Variants in STK32A observed in about 807,000 individuals in gnomAD.
The protein encoded by STK32A is serine/threonine-protein kinase 32A.
A neutral mutation model predicts 53.2 loss-of-function variants in STK32A; 41 were observed. The observed-to-expected ratio is 0.77, with a 90% CI of 0.60 to 1.00. The LOEUF is 1.00. Among genes scored for constraint, STK32A ranks in the 50% least tolerant of loss-of-function variants. STK32A has a pLI of 0.00. For missense variants in STK32A, 458 were observed against 485.8 expected, an observed-to-expected ratio of 0.94 and a Z score of 0.54; for synonymous variants, 166 against 162.8, an observed-to-expected ratio of 1.02 and a Z score of -0.15.
intron 2 of STK32A, among the ~76,000 whole-genome samples, chr5:147,273,045 G>A (rs1755111114): frequency 6.6e-6 from 1 of 152,146 alleles, no homozygotes; most frequent in African/African-American, 2.4e-5. Flanking sequence ...TAGAAAAAAA[G>A]GGCATTCCTG....
chr5:147,351,852 A>T (rs143357528), intron 7 of STK32A, among the ~76,000 whole-genome samples: 2 of 152,236 alleles, frequency 1.3e-5, no homozygotes, highest in East Asian at 3.9e-4. Context: ...TCTCAAAACA[A>T]ACAAACAAAC....
rs752457450 is a variant in STK32A, at chr5:147,387,602, C to A, written c.*3619C>A. 1.2e-4 allele frequency: 18 copies of A among 152,124 alleles called. No individual in the cohort carries two copies. The highest frequency in any genetic ancestry group is 2.5e-4 in the Non-Finnish European group (17 of 68,026). 9.4% of individuals were successfully genotyped at this position (152,124 alleles called of 1,614,324 possible). On this transcript the variant is annotated 3_prime_UTR_variant, in exon 13 of 13. Transcript: ENST00000397936. Reference sequence around the variant, plus strand: ...AAGCACTTCAAGCTTGTTTCTGTACCCAGTTGTCCCTGTATTGTCTACATA... The same window carrying A: ...AAGCACTTCAAGCTTGTTTCTGTACACAGTTGTCCCTGTATTGTCTACATA...
chr5:147,389,441 G>A (rs1176246981), downstream of STK32A, among the ~76,000 whole-genome samples: 2 of 152,150 alleles, frequency 1.3e-5, no homozygotes, highest in Admixed American at 6.5e-5. Flanking sequence ...TGGCCACAGT[G>A]ACTAGGTCAA....
intron 2 of STK32A, among the ~76,000 whole-genome samples, chr5:147,250,629 G>A (rs1753945515): frequency 6.6e-6 from 1 of 152,118 alleles, no homozygotes; most frequent in Admixed American, 6.6e-5. Flanking sequence ...GAATGAGTTA[G>A]GAGTAGATGG....
chr5:147,380,586 G>A (rs779823205), intron 11 of STK32A, among the ~76,000 whole-genome samples: 1 of 152,130 alleles, frequency 6.6e-6, no homozygotes, highest in Non-Finnish European at 1.5e-5. Flanking sequence ...GTCTAATTCT[G>A]TCCTGGGACT....
chr5:147,275,522 C>T (rs1457839679), intron 2 of STK32A, among the ~76,000 whole-genome samples: 6 of 152,114 alleles, frequency 3.9e-5, no homozygotes, highest in African/African-American at 2.4e-5. Flanking sequence ...TGGGGCCTCA[C>T]TACATTACCC....
At chr5:147,372,215 T>C (rs1489662539) in intron 9 of STK32A, among the ~76,000 whole-genome samples, 7 of 150,132 alleles carry the variant, frequency 4.7e-5, no homozygotes, top group Admixed American at 2.7e-4. Context: ...CAAAAGTGTA[T>C]ATTGAGTGAT....
At chr5:147,236,376 A>G (rs1753319330) in intron 1 of STK32A, among the ~76,000 whole-genome samples, 1 of 152,116 alleles carries the variant, frequency 6.6e-6, no homozygotes, top group African/African-American at 2.4e-5. Context: ...TCTCAAAATG[A>G]TGCTTAGGTA....
At chr5:147,262,407 T>C (rs140109928) in intron 2 of STK32A, among the ~76,000 whole-genome samples, 6,016 of 152,260 alleles carry the variant, frequency 0.04, 170 homozygotes, top group Middle Eastern at 0.099. Flanking sequence ...CAGTGAATGA[T>C]AAAGGGATTG....
At chr5:147,288,055 G>T (rs749607830) in intron 4 of STK32A, among the ~76,000 whole-genome samples, 252 of 152,192 alleles carry the variant, frequency 1.7e-3, no homozygotes, top group African/African-American at 4.0e-3. Context: ...ACAACATTCT[G>T]TTCTCCATGC....
rs118064880 is a variant in STK32A at position 147,355,087 on chromosome 5, G to A, written c.562+3933G>A. Among the ~76,000 whole-genome samples the A allele has an allele frequency of 7.2e-5, 11 of 152,170 alleles. No homozygotes were observed. The East Asian group carries it at 2.1e-3, about 29-fold the overall frequency. On this transcript the variant is annotated intron_variant, in intron 7 of 12. Transcript: ENST00000397936. The stretch of plus-strand genomic sequence containing the variant: ...TAGGATACTAAGTAGCAATTCACCA[G>A]AAAGAACAAAAAGAATTCTAAAAAG...
chr5:147,395,589 T>C, the STK32A span: 1 of 1,613,768 alleles, frequency 6.2e-7, no homozygotes, highest in Non-Finnish European at 8.5e-7. Flanking sequence ...TGATGAAGAT[T>C]CCTCACAGGT....
intron 5 of STK32A, among the ~76,000 whole-genome samples, chr5:147,331,692 G>A (rs763702746): frequency 2.0e-5 from 3 of 152,156 alleles, no homozygotes; most frequent in Non-Finnish European, 4.4e-5. Context: ...ATTAGTGTAG[G>A]CCCTAATCCA....
chr5:147,395,755 C>A, the STK32A span: 1 of 1,610,824 alleles, frequency 6.2e-7, no homozygotes, highest in South Asian at 1.1e-5. Flanking sequence ...ACCATTCATT[C>A]ATTCAGCATT....
At chr5:147,293,605 T>C (rs1456400388) in intron 4 of STK32A, among the ~76,000 whole-genome samples, 1 of 151,336 alleles carries the variant, frequency 6.6e-6, no homozygotes, top group Non-Finnish European at 1.5e-5. Flanking sequence ...TGTAAAATAA[T>C]AGTCATTTAT....
At chr5:147,288,267 C>T (rs1285223688) in intron 4 of STK32A, among the ~76,000 whole-genome samples, 1 of 152,146 alleles carries the variant, frequency 6.6e-6, no homozygotes, top group African/African-American at 2.4e-5. Flanking sequence ...CAGCAACTCC[C>T]TTTGTCTTCC....
At chr5:147,311,766 C>A (rs1294359196) in intron 4 of STK32A, among the ~76,000 whole-genome samples, 1 of 152,120 alleles carries the variant, frequency 6.6e-6, no homozygotes, top group Non-Finnish European at 1.5e-5. Context: ...AAAAAACACA[C>A]CTTTTTAAGA....
chr5:147,248,501 C>T (rs574932407), intron 2 of STK32A, among the ~76,000 whole-genome samples: 10 of 152,236 alleles, frequency 6.6e-5, no homozygotes, highest in South Asian at 4.1e-4. Flanking sequence ...CAACCTGTAA[C>T]GCATTTAAAA....
At chr5:147,266,165 T>A (rs1754798679) in intron 2 of STK32A, among the ~76,000 whole-genome samples, 1 of 152,176 alleles carries the variant, frequency 6.6e-6, no homozygotes, top group African/African-American at 2.4e-5. Context: ...CTGTTAATTA[T>A]CCTTCAGTTG....
Sources: gnomAD v4.1 joint callset for allele counts (sites outside exome capture counted in the v4.1 genomes callset) on GRCh38, gnomAD v4.1.1 for gene constraint, MANE v1.5 for transcripts, NCBI Gene and HGNC (gene_info 2026-07-23, HGNC 2026-07-21) for gene names.